The following ABCA6 variants were observed in gnomAD, a reference collection of about 807,000 sequenced individuals.
The protein encoded by ABCA6 is ATP binding cassette subfamily A member 6, also known as ATP-binding cassette sub-family A member 6.
ABCA6 carries 164 observed loss-of-function variants against 191.2 expected under a neutral mutation model. The ratio of observed to expected loss-of-function variants is 0.86; its 90% CI spans 0.76 to 0.98. The LOEUF (loss-of-function observed/expected upper bound fraction) is 0.98, where lower values mean the gene tolerates loss of function less well. Among genes scored for constraint, ABCA6 ranks in the 50% least tolerant of loss-of-function variants. The pLI is 0.00. For synonymous variants in ABCA6, 636 were observed against 647.7 expected (o/e 0.98, Z 0.27); for missense variants, 1,958 against 1,894.1 (o/e 1.03, Z -0.63).
chr17:69,119,241 T>A (rs1268584426), intron 10 of ABCA6, among the ~76,000 whole-genome samples: 1 of 152,082 alleles, frequency 6.6e-6, no homozygotes. Context: ...CAGACTTCAC[T>A]GCATTGTCAC....
At chr17:69,086,018 A>G (rs1002756190) in intron 30 of ABCA6, among the ~76,000 whole-genome samples, 2 of 152,112 alleles carry the variant, frequency 1.3e-5, no homozygotes, top group African/African-American at 4.8e-5. Context: ...CACTGAGTAC[A>G]TGTATGAATG....
At chr17:69,092,763 T>C (rs1324998316) in intron 25 of ABCA6, among the ~76,000 whole-genome samples, 3 of 152,206 alleles carry the variant, frequency 2.0e-5, no homozygotes, top group Non-Finnish European at 4.4e-5. Context: ...GACAACTGCA[T>C]TGAATATCAA....
At chr17:69,126,551 G>C (rs1221733498) in intron 8 of ABCA6, among the ~76,000 whole-genome samples, 1 of 152,056 alleles carries the variant, frequency 6.6e-6, no homozygotes, top group Non-Finnish European at 1.5e-5. Flanking sequence ...GCGAGGCCGA[G>C]GCGGGAAGAT....
At position 69,096,278 on chromosome 17, in the gene ABCA6, T is replaced by G. The variant is rs370356436; in HGVS notation, c.3370A>C (p.Arg1124=). 5 of 1,530,874 alleles carry G rather than the reference T, an allele frequency of 3.3e-6. No homozygotes were observed. The highest frequency in any genetic ancestry group is 4.4e-6 in the Non-Finnish European group (5 of 1,139,418). The allele number at this position is 1,530,874 out of a possible 1,614,324, so 94.8% of individuals were successfully genotyped here. ...YMISFIFRKR[R]KNSGLWSFYF... ...AATGACCAAAGGCCACTGTTTTTTCTCCTTTTGCGAAAAATAAATGATATC... is the reference window on the plus strand; with the variant it reads ...AATGACCAAAGGCCACTGTTTTTTCGCCTTTTGCGAAAAATAAATGATATC... Residue 1124 remains arginine (R), a synonymous_variant, in exon 25 of 39, where the codon AGA becomes CGA. Transcript: ENST00000284425.
At chr17:69,110,758 T>C (rs1433833763) in intron 17 of ABCA6, 43 bp downstream of exon 17, 3 of 1,545,296 alleles carry the variant, frequency 1.9e-6, no homozygotes, top group Middle Eastern at 1.9e-4. Flanking sequence ...AATGTGAACA[T>C]TTTTTCCCAT....
chr17:69,079,247 A>G lies in ABCA6; in HGVS notation c.4715T>C (p.Leu1572Pro). ...GCACTGAGAAAGGCTGTATTCTTCC[A>G]GGTTAAAGTTATGCTTCACTGGAGG... ...KLEAVKHNFN[L>P]EEYSLSQCTL... Residue 1572 changes from leucine to proline, a missense_variant, in exon 38 of 39, where the codon CTG (leucine) becomes CCG (proline). Physicochemically the swap from Leu to Pro is moderately conservative, Grantham distance 98. Transcript: ENST00000284425. The G allele has an allele frequency of 6.2e-7, 1 of 1,606,254 alleles. No individual in the cohort carries two copies. Among genetic ancestry groups the G allele is most frequent in the East Asian group, 2.2e-5 (1 of 44,660 alleles).
At position 69,086,588 on chromosome 17, in the gene ABCA6, T is replaced by C. The variant is rs769920079; in HGVS notation, c.3937+30A>G. On this transcript the variant is annotated intron_variant, in intron 30 of 38. Transcript: ENST00000284425. ...GTTCGGTAGGTAGTTCTAAAAGTAA[T>C]GGTAAGTTTTAAAAGGGATTATTAC... is the stretch of plus-strand genomic sequence containing the variant. The C allele has an allele frequency of 2.7e-5, 41 of 1,491,566 alleles. No individual in the cohort carries two copies. The Admixed American group carries it at 6.6e-4, about 24-fold the overall frequency. The allele number at this position is 1,491,566 out of a possible 1,614,324, so 92.4% of individuals were successfully genotyped here. A position where few individuals can be genotyped will look rare whatever the true frequency, so the allele number is the denominator to read the frequency against.
In ABCA6 at chr17:69,134,673, G is replaced by T; in HGVS notation, c.530C>A (p.Ala177Asp). 1 of 1,613,490 alleles carries T rather than the reference G, an allele frequency of 6.2e-7. No homozygotes were observed. Among genetic ancestry groups the T allele is most frequent in the South Asian group, 1.1e-5 (1 of 91,030 alleles). The change falls in exon 5 of 39, where the codon GCT becomes GAT. Residue 177 changes from alanine (A) to aspartate (D), a missense_variant. Coordinates refer to ENST00000284425, the MANE Select transcript of ABCA6 (RefSeq NM_080284.3). ...GGCAGTATTAATAGCTGTTTGTAAA[G>T]CCACAAATCCTCTATTCCAGTATTT... ...LTKYWNRGFV[A>D]LQTAINTAII...
rs1182967825 is a variant in ABCA6, at chr17:69,084,452, T to C, written c.4240A>G (p.Thr1414Ala). The change falls in exon 33 of 39, where the codon ACA becomes GCA. Residue 1414 changes from threonine (T) to alanine (A), a missense_variant. By Grantham distance (58) the Thr-to-Ala change is moderately conservative (BLOSUM62 0). Coordinates refer to ENST00000284425, the MANE Select transcript of ABCA6 (RefSeq NM_080284.3). ...EQLNVPVQKLTAGITRKLCFV... is the reference protein window; with the variant it reads ...EQLNVPVQKLAAGITRKLCFV... ...CGTACCTTTCTCGTGATTCCTGCTGTTAATTTCTGCACAGGAACATTCAGC... is the reference window on the plus strand; with the variant it reads ...CGTACCTTTCTCGTGATTCCTGCTGCTAATTTCTGCACAGGAACATTCAGC... 1 of 1,614,234 alleles carries C rather than the reference T, an allele frequency of 6.2e-7. No individual in the cohort carries two copies. The highest frequency in any genetic ancestry group is 1.7e-5 in the Admixed American group (1 of 60,032).
chr17:69,086,552 A>G (rs960360221), intron 30 of ABCA6, 66 bp downstream of exon 30: 17 of 913,652 alleles, frequency 1.9e-5, no homozygotes, highest in Admixed American at 2.1e-5. Context: ...AACTGTGCCT[A>G]TGACATAGAT....
chr17:69,138,791 G>A (rs374445700), intron 2 of ABCA6, among the ~76,000 whole-genome samples: 5,208 of 146,814 alleles, frequency 0.035, 120 homozygotes, highest in Non-Finnish European at 0.056. Flanking sequence ...AAATAACGCC[G>A]CATATCTACA....
At chr17:69,084,692 A>G (rs572455822) in intron 32 of ABCA6, among the ~76,000 whole-genome samples, 185 bp from the exon 33 acceptor site, 27 of 151,050 alleles carry the variant, frequency 1.8e-4, no homozygotes, top group Non-Finnish European at 2.9e-4. Flanking sequence ...TTTGCCTCAT[A>G]AACAGTTTTA....
intron 4 of ABCA6, chr17:69,135,799 T>G (rs780485023): frequency 1.4e-5 from 6 of 444,402 alleles, no homozygotes; most frequent in Non-Finnish European, 2.4e-5. Context: ...ATGTCTGTCT[T>G]TGCTGCTAAC....
intron 8 of ABCA6, among the ~76,000 whole-genome samples, chr17:69,125,685 T>TC (rs2073738866): frequency 6.6e-6 from 1 of 152,140 alleles, no homozygotes; most frequent in Admixed American, 6.6e-5. Context: ...GGCCAGTTCC[T>TC]TACCCTGCAC....
intron 4 of ABCA6, 114 bp from the exon 5 acceptor site, chr17:69,134,856 T>C: frequency 8.5e-6 from 6 of 707,604 alleles, no homozygotes; most frequent in Non-Finnish European, 1.4e-5. Context: ...TAAACTTTTT[T>C]GGTGGTGGTG....
Position 69,096,808 on chromosome 17 carries a change from A to T in ABCA6, c.3121-7T>A, listed in dbSNP as rs80020819. 2 of 894,030 alleles carry T rather than the reference A, an allele frequency of 2.2e-6. No individual in the cohort carries two copies. The highest frequency in any genetic ancestry group is 2.6e-5 in the South Asian group (1 of 37,982). The allele number at this position is 894,030 out of a possible 1,614,324, so 55.4% of individuals were successfully genotyped here. ...GCTGGGACTTAGCATTTTTCTGATTAAAAAAAAAAAGAAAGAAAGAAATGT... is the reference window on the plus strand; with the variant it reads ...GCTGGGACTTAGCATTTTTCTGATTTAAAAAAAAAAGAAAGAAAGAAATGT... On this transcript the variant is annotated splice_polypyrimidine_tract_variant and splice_region_variant and intron_variant, in intron 23 of 38. Coordinates refer to ENST00000284425, the MANE Select transcript of ABCA6 (RefSeq NM_080284.3).
At position 69,140,621 on chromosome 17, in the gene ABCA6, C is replaced by T; in HGVS notation, c.83G>A (p.Arg28Lys). Residue 28 changes from arginine to lysine, a missense_variant, in exon 2 of 39, where the codon AGA becomes AAA. Coordinates refer to ENST00000284425, the MANE Select transcript of ABCA6 (RefSeq NM_080284.3). ...TTTTAAACATACCAATAAGCTCTCT[C>T]TTTTCATCCTCCATTTCTTAAGAAA... ...KNFLKKWRMK[R>K]ESLLEWGLSI... is the part of the protein sequence containing the mutation. 6.3e-7 allele frequency: 1 copy of T among 1,598,226 alleles called. No homozygotes were observed. Among genetic ancestry groups the T allele is most frequent in the Non-Finnish European group, 8.5e-7 (1 of 1,173,010 alleles).
chr17:69,120,557 C>A (rs753714319), intron 10 of ABCA6, among the ~76,000 whole-genome samples: 3 of 151,978 alleles, frequency 2.0e-5, no homozygotes, highest in Non-Finnish European at 4.4e-5. Context: ...AAGAACCCAG[C>A]AACAATATGT....
intron 6 of ABCA6, among the ~76,000 whole-genome samples, 167 bp from the exon 7 acceptor site, chr17:69,129,918 C>T (rs949941929): frequency 2.0e-5 from 3 of 152,032 alleles, no homozygotes; most frequent in Non-Finnish European, 4.4e-5. Context: ...CTTTTTCAAT[C>T]GCAATTCTCC....
Sources: allele counts gnomAD v4.1 joint callset (sites outside exome capture counted in the v4.1 genomes callset), GRCh38; gene constraint gnomAD v4.1.1; transcripts MANE v1.5; gene names NCBI Gene and HGNC (gene_info 2026-07-23, HGNC 2026-07-21).